The following ABI3BP variants were observed in gnomAD, a reference collection of about 807,000 sequenced individuals.
The protein encoded by ABI3BP is target of Nesh-SH3.
ABI3BP carries 216 observed loss-of-function variants against 268.6 expected under a neutral mutation model. The observed-to-expected ratio is 0.80, with a 90% CI of 0.72 to 0.90. ABI3BP has a LOEUF of 0.90. ABI3BP is among the 40% of genes least tolerant of loss of function. ABI3BP has a pLI of 0.00. For synonymous variants in ABI3BP, 730 were observed against 730.0 expected (o/e 1.00, Z 0.00); for missense variants, 2,090 against 2,182.4 (o/e 0.96, Z 0.84).
chr3:100,963,327 C>T (rs1469358900), intron 1 of ABI3BP, among the ~76,000 whole-genome samples: 1 of 152,176 alleles, frequency 6.6e-6, no homozygotes, highest in Non-Finnish European at 1.5e-5. Flanking sequence ...AGGCTAGAAA[C>T]CCAGGAGTCA....
intron 14 of ABI3BP, among the ~76,000 whole-genome samples, chr3:100,856,679 C>CTTTT: frequency 6.6e-6 from 1 of 152,238 alleles, no homozygotes; most frequent in African/African-American, 2.4e-5. Flanking sequence ...TCCTGGTACT[C>CTTTT]AATGATGGTC....
Position 100,820,301 on chromosome 3 carries a change from G to A in ABI3BP, c.2950C>T (p.Pro984Ser), listed in dbSNP as rs997494556. Residue 984 changes from proline to serine, a missense_variant and splice_region_variant, in exon 40 of 68, where the codon CCT becomes TCT. Transcript: ENST00000471714. ...CGACGAGTTCGTTGTGATGTTTTAG[G>A]AGCTGAAGAAAGAAAACCTTTAGTT... ...RTETWVTTQA[P>S]KTSQRTRRPR... 4 of 1,535,608 alleles carry A rather than the reference G, an allele frequency of 2.6e-6. No individual in the cohort carries two copies. Among genetic ancestry groups the A allele is most frequent in the African/African-American group, 1.4e-5 (1 of 73,032 alleles).
intron 2 of ABI3BP, among the ~76,000 whole-genome samples, chr3:100,909,225 C>G (rs2437938): frequency 0.99 from 150,090 of 152,308 alleles, 73,982 homozygotes; most frequent in East Asian, 1. Flanking sequence ...GCTGAAACTG[C>G]ATCCCTTCCT....
intron 5 of ABI3BP, 86 bp downstream of exon 5, chr3:100,886,056 T>C (rs953593998): frequency 1.2e-5 from 12 of 1,032,900 alleles, no homozygotes; most frequent in Non-Finnish European, 1.6e-5. Flanking sequence ...TATTTCATAT[T>C]ATACAATGAA....
In ABI3BP at chr3:100,904,738, A is replaced by G. The variant is rs570958657; in HGVS notation, c.260-2052T>C. On this transcript the variant is annotated intron_variant, in intron 2 of 67. Coordinates refer to ENST00000471714, the MANE Select transcript of ABI3BP (RefSeq NM_001375547.2). ...ACCATCTCACACCAGTTACAATGGC[A>G]ATCATTAAAAAGTCAGGAAACAACA... Among the ~76,000 whole-genome samples, 278 of 152,302 alleles carry G rather than the reference A, an allele frequency of 1.8e-3. 1 individual carries two copies. The highest frequency in any genetic ancestry group is 6.2e-3 in the African/African-American group (257 of 41,556).
chr3:100,827,330 G>A (rs1305162402), intron 34 of ABI3BP, among the ~76,000 whole-genome samples: 1 of 151,986 alleles, frequency 6.6e-6, no homozygotes, highest in Non-Finnish European at 1.5e-5. Flanking sequence ...ACCATGAGGG[G>A]GTAACAACCC....
chr3:100,890,175 A>G (rs2043897544), intron 4 of ABI3BP, among the ~76,000 whole-genome samples: 1 of 152,126 alleles, frequency 6.6e-6, no homozygotes, highest in Non-Finnish European at 1.5e-5. Flanking sequence ...TGGGTTTTCC[A>G]TACTTCCTTC....
chr3:100,906,937 A>G (rs535552024), intron 2 of ABI3BP, among the ~76,000 whole-genome samples: 1 of 152,354 alleles, frequency 6.6e-6, no homozygotes, highest in East Asian at 1.9e-4. Flanking sequence ...CTGCTATTAA[A>G]GTGTCCACAA....
intron 51 of ABI3BP, among the ~76,000 whole-genome samples, chr3:100,799,047 A>C (rs1181004698): frequency 6.6e-6 from 1 of 151,402 alleles, no homozygotes; most frequent in African/African-American, 2.4e-5. Context: ...ATTTTTCTCT[A>C]TTTGTCCATG....
chr3:100,847,468 T>G, intron 19 of ABI3BP, 134 bp downstream of exon 19: 4 of 769,490 alleles, frequency 5.2e-6, no homozygotes, highest in Non-Finnish European at 8.8e-6. Flanking sequence ...GTGCACTCTC[T>G]GAGATGGGCC....
At position 100,813,772 on chromosome 3, in the gene ABI3BP, C is replaced by A. The variant is rs575777603; in HGVS notation, c.3290-37G>T. 20 of 1,488,784 alleles carry A rather than the reference C, an allele frequency of 1.3e-5. No homozygotes were observed. In the Admixed American group the frequency reaches 2.0e-4, roughly 15 times the overall value. 92.2% of individuals were successfully genotyped at this position (1,488,784 alleles called of 1,614,324 possible). On this transcript the variant is annotated intron_variant, in intron 44 of 67. Coordinates refer to ENST00000471714, the MANE Select transcript of ABI3BP (RefSeq NM_001375547.2). Reference sequence around the variant, plus strand: ...GGGTCTCAATTGTAAGAGTAATTTTCAGTTATTTATTTCATAGGTTTTAGA... The same window carrying A: ...GGGTCTCAATTGTAAGAGTAATTTTAAGTTATTTATTTCATAGGTTTTAGA...
At chr3:100,792,923 A>G (rs765331794) in intron 54 of ABI3BP, among the ~76,000 whole-genome samples, 155 bp from the exon 55 acceptor site, 2 of 151,996 alleles carry the variant, frequency 1.3e-5, no homozygotes, top group Admixed American at 6.6e-5. Flanking sequence ...AGTTAGTGGT[A>G]CATTTTAATA....
chr3:100,828,781 G>C (rs2098434997), intron 33 of ABI3BP, among the ~76,000 whole-genome samples: 1 of 152,000 alleles, frequency 6.6e-6, no homozygotes, highest in South Asian at 2.1e-4. Flanking sequence ...ACTCATCTTT[G>C]GAACAAGACC....
intron 8 of ABI3BP, among the ~76,000 whole-genome samples, 172 bp downstream of exon 8, chr3:100,875,336 G>A (rs577499878): frequency 2.0e-4 from 31 of 152,324 alleles, no homozygotes; most frequent in African/African-American, 7.2e-4. Flanking sequence ...TAAAGATAGC[G>A]TGGCTTGGCT....
At chr3:100,908,614 C>T (rs1362713639) in intron 2 of ABI3BP, among the ~76,000 whole-genome samples, 1 of 152,008 alleles carries the variant, frequency 6.6e-6, no homozygotes, top group Non-Finnish European at 1.5e-5. Flanking sequence ...ACACCAATAA[C>T]AGACAAACAG....
chr3:100,822,504 G>A lies in ABI3BP; in HGVS notation c.2887+85C>T. 4.1e-6 allele frequency: 5 copies of A among 1,232,444 alleles called. No individual in the cohort carries two copies. In the South Asian group the frequency reaches 5.3e-5, roughly 13 times the overall value. The allele number at this position is 1,232,444 out of a possible 1,614,324, so 76.3% of individuals were successfully genotyped here. On this transcript the variant is annotated intron_variant, in intron 38 of 67. Coordinates refer to ENST00000471714, the MANE Select transcript of ABI3BP (RefSeq NM_001375547.2). Reference sequence around the variant, plus strand: ...AGCTTCCCTCTCACAGGGGCCTATTGGTTACTCCCAACCACTGGGATTACT... The same window carrying A: ...AGCTTCCCTCTCACAGGGGCCTATTAGTTACTCCCAACCACTGGGATTACT...
intron 20 of ABI3BP, 35 bp downstream of exon 20, chr3:100,846,337 C>T (rs760960818): frequency 7.0e-7 from 1 of 1,428,202 alleles, no homozygotes; most frequent in South Asian, 1.4e-5. Context: ...TTCAACCCCA[C>T]TTTTGGAATA....
chr3:100,784,430 G>A (rs1252821616), intron 57 of ABI3BP, among the ~76,000 whole-genome samples: 1 of 152,058 alleles, frequency 6.6e-6, no homozygotes, highest in Non-Finnish European at 1.5e-5. Context: ...ATCGCTGGTG[G>A]GAATGTAAAT....
chr3:100,829,691 A>G, intron 32 of ABI3BP, 27 bp from the exon 33 acceptor site: 1 of 1,505,912 alleles, frequency 6.6e-7, no homozygotes, highest in Non-Finnish European at 8.9e-7. Context: ...TCAGGTTAAT[A>G]CAGCGTGTTT....
Sources: allele counts gnomAD v4.1 joint callset (sites outside exome capture counted in the v4.1 genomes callset), GRCh38; gene constraint gnomAD v4.1.1; transcripts MANE v1.5; gene names NCBI Gene and HGNC (gene_info 2026-07-23, HGNC 2026-07-21).